COBL: variants seen among roughly 807,000 people sequenced by gnomAD.
The protein encoded by COBL is cordon-bleu WH2 repeat protein.
COBL carries 51 observed loss-of-function variants against 98.8 expected under a neutral mutation model. The ratio of observed to expected loss-of-function variants is 0.52; its 90% CI spans 0.41 to 0.65. The LOEUF is 0.65. Ranked by LOEUF, COBL falls within the 30% of genes least tolerant of loss-of-function variation. The pLI is 0.00. For missense variants in COBL, 1,617 were observed against 1,617.5 expected (o/e 1.00, Z 0.01); for synonymous variants, 634 against 651.7 (o/e 0.97, Z 0.41).
intron 1 of COBL, among the ~76,000 whole-genome samples, chr7:51,226,166 A>G (rs888903589): frequency 6.6e-6 from 1 of 152,126 alleles, no homozygotes; most frequent in African/African-American, 2.4e-5. Context: ...CCTCTACACC[A>G]TGGGTGCCTG....
At chr7:51,153,412 T>C (rs190328080) in intron 5 of COBL, among the ~76,000 whole-genome samples, 2 of 152,374 alleles carry the variant, frequency 1.3e-5, no homozygotes, top group Admixed American at 6.5e-5. Flanking sequence ...CCCTATTCTA[T>C]GCTAAAAAGC....
At chr7:51,310,319 G>A (rs950445766) in intron 1 of COBL, among the ~76,000 whole-genome samples, 7 of 152,192 alleles carry the variant, frequency 4.6e-5, no homozygotes, top group African/African-American at 1.4e-4. Context: ...CGTGGAGAAG[G>A]AGCAATTTCA....
intron 1 of COBL, among the ~76,000 whole-genome samples, chr7:51,237,364 C>G (rs1383808200): frequency 2.6e-5 from 4 of 152,114 alleles, no homozygotes; most frequent in Admixed American, 2.6e-4. Context: ...ATAGACAACA[C>G]TTTTGTTTCC....
chr7:51,044,619 T>C (rs1789519072), intron 7 of COBL, among the ~76,000 whole-genome samples: 2 of 152,228 alleles, frequency 1.3e-5, no homozygotes, highest in Non-Finnish European at 2.9e-5. Context: ...AAGCACTATT[T>C]ATAACAGTCC....
At chr7:51,241,658 C>G (rs988729034) in intron 1 of COBL, among the ~76,000 whole-genome samples, 7 of 152,210 alleles carry the variant, frequency 4.6e-5, no homozygotes, top group Non-Finnish European at 8.8e-5. Flanking sequence ...CAAATGAACA[C>G]GTATGGCAAG....
chr7:51,195,134 G>T (rs1021264588), intron 2 of COBL, among the ~76,000 whole-genome samples: 1 of 152,040 alleles, frequency 6.6e-6, no homozygotes, highest in Admixed American at 6.5e-5. Flanking sequence ...GTCTTCCAGG[G>T]TTTTTATAGT....
intron 5 of COBL, among the ~76,000 whole-genome samples, chr7:51,165,532 C>A (rs1787228674): frequency 6.6e-6 from 1 of 151,902 alleles, no homozygotes; most frequent in Admixed American, 6.6e-5. Flanking sequence ...GATTTCAACA[C>A]CCCAATTTCA....
intron 6 of COBL, among the ~76,000 whole-genome samples, chr7:51,090,989 T>C (rs1188690640): frequency 1.3e-5 from 2 of 152,112 alleles, no homozygotes; most frequent in African/African-American, 2.4e-5. Context: ...CCAGGGAAGA[T>C]GGATATCCAG....
At chr7:51,304,899 G>A (rs1382519251) in intron 1 of COBL, among the ~76,000 whole-genome samples, 1 of 152,146 alleles carries the variant, frequency 6.6e-6, no homozygotes, top group Non-Finnish European at 1.5e-5. Context: ...GCTTTCAGGG[G>A]AGGGCGGATG....
At chr7:51,061,041 C>T (rs928752991) in intron 7 of COBL, among the ~76,000 whole-genome samples, 21 of 152,276 alleles carry the variant, frequency 1.4e-4, no homozygotes, top group African/African-American at 5.1e-4. Context: ...GGCCCAGACC[C>T]TTCAGGAATG....
chr7:51,027,829 A>C lies in COBL; in HGVS notation c.3267T>G (p.Phe1089Leu), dbSNP rs1382259081. 3 of 1,614,100 alleles carry C rather than the reference A, an allele frequency of 1.9e-6. No individual in the cohort carries two copies. The African/African-American group carries it at 4.0e-5, about 22-fold the overall frequency. Residue 1089 changes from phenylalanine (F) to leucine (L), a missense_variant, in exon 10 of 13, where the codon TTT becomes TTG. Physicochemically the swap from Phe to Leu is conservative, Grantham distance 22. Around this residue, in one of 3 missense-constraint regions of COBL, gnomAD observed 1,304 missense variants for 1,282.0 expected, o/e 1.02. Coordinates refer to ENST00000265136, the MANE Select transcript of COBL (RefSeq NM_015198.5). ...CAGGTTTGAATTTTTTCTTCGGCCC[A>C]AAAATGCTGGGTGGCCAAATACTGT... ...ETDSIWPPSI[F>L]GPKKKFKPVV...
At chr7:51,249,245 G>T (rs1011329486) in intron 1 of COBL, among the ~76,000 whole-genome samples, 1 of 152,154 alleles carries the variant, frequency 6.6e-6, no homozygotes, top group South Asian at 2.1e-4. Context: ...ACATGAGGAC[G>T]TGCAACCCCA....
intron 7 of COBL, among the ~76,000 whole-genome samples, chr7:51,080,535 G>A (rs1041213868): frequency 2.0e-5 from 3 of 152,134 alleles, no homozygotes; most frequent in African/African-American, 4.8e-5. Flanking sequence ...CTCCTGCCTC[G>A]GTTTCCCCAT....
At chr7:51,035,295 C>T (rs1788528004) in intron 8 of COBL, 1 of 151,592 alleles carries the variant, frequency 6.6e-6, no homozygotes, top group Non-Finnish European at 1.5e-5. Context: ...CCGAAATGTA[C>T]AAGATGGGTT....
At chr7:51,302,972 A>G (rs1584450606) in intron 1 of COBL, among the ~76,000 whole-genome samples, 1 of 152,252 alleles carries the variant, frequency 6.6e-6, no homozygotes, top group South Asian at 2.1e-4. Flanking sequence ...AGTCTTCCCA[A>G]CGCAATGCTG....
At chr7:51,069,216 G>A (rs977170180) in intron 7 of COBL, among the ~76,000 whole-genome samples, 6 of 152,202 alleles carry the variant, frequency 3.9e-5, no homozygotes, top group African/African-American at 1.4e-4. Context: ...AGGGCCAAGC[G>A]AAGGGCGCAG....
chr7:51,186,855 AG>A (rs1789571505), intron 4 of COBL, among the ~76,000 whole-genome samples: 1 of 152,228 alleles, frequency 6.6e-6, no homozygotes, highest in African/African-American at 2.4e-5. Context: ...TGTTCCCATC[AG>A]CCAAAATTTC....
At chr7:51,065,882 G>C (rs541665874) in intron 7 of COBL, among the ~76,000 whole-genome samples, 1 of 152,332 alleles carries the variant, frequency 6.6e-6, no homozygotes, top group African/African-American at 2.4e-5. Context: ...CCTTATAAGA[G>C]AATGTTAGGA....
In COBL at chr7:51,195,016, G is replaced by A. The variant is rs186277662; in HGVS notation, c.246-1427C>T. On this transcript the variant is annotated intron_variant, in intron 2 of 12. Coordinates refer to ENST00000265136, the MANE Select transcript of COBL (RefSeq NM_015198.5). Reference sequence around the variant, plus strand: ...TCTTTTGCTGTGCAGAAGCTCTGTAGTTTAATTAGATTCCATTTGTCAGGT... The same window carrying A: ...TCTTTTGCTGTGCAGAAGCTCTGTAATTTAATTAGATTCCATTTGTCAGGT... Among the ~76,000 whole-genome samples the A allele has an allele frequency of 1.4e-4, 21 of 152,226 alleles. 1 individual carries two copies. The highest frequency in any genetic ancestry group is 2.9e-4 in the Non-Finnish European group (20 of 68,010).
Sources: gnomAD v4.1 joint callset for allele counts (sites outside exome capture counted in the v4.1 genomes callset) on GRCh38, gnomAD v4.1.1 for gene constraint, gnomAD v4.1.1 regional missense constraint, MANE v1.5 for transcripts, NCBI Gene and HGNC (gene_info 2026-07-23, HGNC 2026-07-21) for gene names.